Variants in OTUD5 observed in about 807,000 individuals in gnomAD.
OTUD5 encodes the protein OTU deubiquitinase 5.
A neutral mutation model predicts 36.3 loss-of-function variants in OTUD5; 2 were observed. The observed-to-expected ratio is 0.06, with a 90% CI of 0.02 to 0.17. OTUD5 has a LOEUF of 0.17. Among genes scored for constraint, OTUD5 ranks in the 10% least tolerant of loss-of-function variants. OTUD5 has a pLI of 1.00. For synonymous variants in OTUD5, 234 were observed against 214.9 expected, an observed-to-expected ratio of 1.09 and a Z score of -0.78; for missense variants, 233 against 512.3, an observed-to-expected ratio of 0.45 and a Z score of 5.26.
At chrX:48,953,287 C>G (rs1404644999) in intron 1 of OTUD5, among the ~76,000 whole-genome samples, 1 of 111,538 alleles carries the variant, frequency 9.0e-6, no homozygotes, top group African/African-American at 3.3e-5. Flanking sequence ...GTTCATCAAC[C>G]CTGAGCCTCA....
intron 1 of OTUD5, among the ~76,000 whole-genome samples, chrX:48,952,772 G>A (rs2064169399): frequency 8.9e-6 from 1 of 112,445 alleles, no homozygotes; most frequent in African/African-American, 3.2e-5. Flanking sequence ...TCAAATCCAC[G>A]TTGCCTGGGC....
intron 1 of OTUD5, among the ~76,000 whole-genome samples, chrX:48,950,797 C>T (rs888652934): frequency 2.7e-5 from 3 of 109,657 alleles, no homozygotes; most frequent in Non-Finnish European, 3.8e-5. Flanking sequence ...CTCCTGACCT[C>T]GTGATCCACC....
At chrX:48,946,587 G>T (rs1360599751) in intron 1 of OTUD5, among the ~76,000 whole-genome samples, 8 of 111,972 alleles carry the variant, frequency 7.1e-5, no homozygotes, top group African/African-American at 2.6e-4. Flanking sequence ...GCAGCACAAG[G>T]ACTCCTGTTT....
chrX:48,948,160 C>T (rs781832200), intron 1 of OTUD5, among the ~76,000 whole-genome samples: 146 of 112,227 alleles, frequency 1.3e-3, no homozygotes, highest in Non-Finnish European at 8.3e-4. Flanking sequence ...CCAGCCTGGC[C>T]GACATGGCGA....
At chrX:48,942,246 C>CACACACACACAT (rs2063940982) in intron 2 of OTUD5, among the ~76,000 whole-genome samples, 2 of 81,535 alleles carry the variant, frequency 2.5e-5, no homozygotes, top group Non-Finnish European at 4.7e-5. Flanking sequence ...CACACACATA[C>CACACACACACAT]ACACACACAC....
At chrX:48,944,709 C>A (rs1437156938) in intron 1 of OTUD5, among the ~76,000 whole-genome samples, 1 of 112,137 alleles carries the variant, frequency 8.9e-6, no homozygotes, top group Non-Finnish European at 1.9e-5. Flanking sequence ...CTGAACCTGA[C>A]AAAGGGCTAG....
intron 5 of OTUD5, among the ~76,000 whole-genome samples, chrX:48,932,679 C>T (rs1557049092): frequency 9.0e-6 from 1 of 110,906 alleles, no homozygotes. Flanking sequence ...TGCAGTGGCT[C>T]ATGCCTGTAA....
In OTUD5 at chrX:48,950,354, G is replaced by A. The variant is rs6609812; in HGVS notation, c.595-6071C>T. ...AGGCGATGGTGAAGATGGAGGCAGAGATTAGAATGATGCAGTCATAAACCA... is the reference window on the plus strand; with the variant it reads ...AGGCGATGGTGAAGATGGAGGCAGAAATTAGAATGATGCAGTCATAAACCA... On this transcript the variant is annotated intron_variant, in intron 1 of 8. Transcript: ENST00000376488. Among the ~76,000 whole-genome samples, 52 of 109,269 alleles carry A rather than the reference G, an allele frequency of 4.8e-4. No individual in the cohort carries two copies. The South Asian group carries it at 0.019, about 40-fold the overall frequency. The allele number at this position is 109,269 out of a possible 115,157, so 94.9% of individuals were successfully genotyped here. A position where few individuals can be genotyped will look rare whatever the true frequency, so the allele number is the denominator to read the frequency against.
In OTUD5 at chrX:48,933,260, C is replaced by T. The variant is rs782035586; in HGVS notation, c.1059+1204G>A. On this transcript the variant is annotated intron_variant, in intron 5 of 8. Coordinates refer to ENST00000376488, the MANE Select transcript of OTUD5 (RefSeq NM_001136157.2). ...TGGCACCCTGGATGGGATCCTGGAACAGATAAAGGTCATTAGGGAAAAACT... is the reference window on the plus strand; with the variant it reads ...TGGCACCCTGGATGGGATCCTGGAATAGATAAAGGTCATTAGGGAAAAACT... Among the ~76,000 whole-genome samples the T allele has an allele frequency of 1.2e-4, 13 of 110,830 alleles. No individual in the cohort carries two copies. In the South Asian group the frequency reaches 4.9e-3, roughly 42 times the overall value.
chrX:48,932,102 T>C (rs781794881), intron 5 of OTUD5, among the ~76,000 whole-genome samples: 5 of 103,862 alleles, frequency 4.8e-5, no homozygotes, highest in South Asian at 4.4e-4. Context: ...TGAGCCAAGA[T>C]TGCGCCATTG....
intron 1 of OTUD5, among the ~76,000 whole-genome samples, chrX:48,948,059 G>A (rs1406713415): frequency 8.9e-6 from 1 of 112,750 alleles, no homozygotes; most frequent in Non-Finnish European, 1.9e-5. Context: ...TACAAAGGCA[G>A]AAAGGAGGCC....
chrX:48,953,807 C>A (rs1557054436), intron 1 of OTUD5, among the ~76,000 whole-genome samples: 2 of 111,389 alleles, frequency 1.8e-5, no homozygotes, highest in Admixed American at 9.6e-5. Flanking sequence ...AGTAGGGATA[C>A]AAGAGAATCA....
chrX:48,944,286 G>A lies in OTUD5; in HGVS notation c.595-3C>T. ...GCCTTTTCAAACCAATGCTCCTGCT[G>A]GAGGGAAGAGGTGGGGGTCAGCAAC... On this transcript the variant is annotated splice_polypyrimidine_tract_variant and splice_region_variant and intron_variant, in intron 1 of 8. Coordinates refer to ENST00000376488, the MANE Select transcript of OTUD5 (RefSeq NM_001136157.2). 2 of 1,161,619 alleles carry A rather than the reference G, an allele frequency of 1.7e-6. No individual in the cohort carries two copies. The highest frequency in any genetic ancestry group is 2.3e-6 in the Non-Finnish European group (2 of 851,875).
rs1367712037 is a variant in OTUD5, at chrX:48,924,555, C to G, written c.1264-503G>C. Among the ~76,000 whole-genome samples, 4 of 112,113 alleles carry G rather than the reference C, an allele frequency of 3.6e-5. No individual in the cohort carries two copies. The East Asian group carries it at 8.4e-4, about 24-fold the overall frequency. ...AGTCCTCGCCACAGCCCACAAGCCC[C>G]TACCCAATTGGACCCACAACCTCTC... On this transcript the variant is annotated intron_variant, in intron 6 of 8. Transcript: ENST00000376488.
intron 2 of OTUD5, among the ~76,000 whole-genome samples, chrX:48,942,000 C>T (rs1557051160): frequency 2.7e-5 from 3 of 110,650 alleles, no homozygotes; most frequent in African/African-American, 6.6e-5. Flanking sequence ...GCCATAGTGC[C>T]GATAAGGAAA....
chrX:48,954,970 T>C (rs2064211080), intron 1 of OTUD5, among the ~76,000 whole-genome samples: 1 of 111,609 alleles, frequency 9.0e-6, no homozygotes, highest in Non-Finnish European at 1.9e-5. Flanking sequence ...GGTCCTTCTG[T>C]CCAATGGGAG....
chrX:48,929,420 A>G (rs1423977485), intron 5 of OTUD5, among the ~76,000 whole-genome samples: 2 of 105,553 alleles, frequency 1.9e-5, no homozygotes, highest in African/African-American at 7.0e-5. Flanking sequence ...ATAAAATAAA[A>G]TAAAAATTAG....
rs782150692 is a variant in OTUD5, at chrX:48,957,092, G to GCGCCAACCC, written c.470_478dup (p.Gly157_Gly159dup). ...ACGCTCGGGACTGCCCCCGCCAACC[G>GCGCCAACCC]CGCCAACCCCGGGAGCTTGACGTCG... On this transcript the variant is annotated inframe_insertion, in exon 1 of 9. Coordinates refer to ENST00000376488, the MANE Select transcript of OTUD5 (RefSeq NM_001136157.2). 1.7e-6 allele frequency: 2 copies of GCGCCAACCC among 1,178,630 alleles called. No individual in the cohort carries two copies. The highest frequency in any genetic ancestry group is 2.3e-6 in the Non-Finnish European group (2 of 881,970).
intron 1 of OTUD5, among the ~76,000 whole-genome samples, chrX:48,955,800 T>C (rs916616995): frequency 9.0e-6 from 1 of 110,985 alleles, no homozygotes; most frequent in Non-Finnish European, 1.9e-5. Flanking sequence ...TTCCTTATAA[T>C]TGGGGTAAAA....
Sources: allele counts gnomAD v4.1 joint callset (sites outside exome capture counted in the v4.1 genomes callset), GRCh38; gene constraint gnomAD v4.1.1; transcripts MANE v1.5; gene names NCBI Gene and HGNC (gene_info 2026-07-23, HGNC 2026-07-21).